The following NELL1 variants were observed in gnomAD, a reference collection of about 807,000 sequenced individuals.
The protein encoded by NELL1 is protein kinase C-binding protein NELL1.
NELL1 carries 76 observed loss-of-function variants against 107.4 expected under a neutral mutation model. The observed-to-expected ratio is 0.71, with a 90% CI of 0.59 to 0.86. The LOEUF (loss-of-function observed/expected upper bound fraction) is 0.86, where lower values mean the gene tolerates loss of function less well. NELL1 is among the 40% of genes least tolerant of loss of function. NELL1 has a pLI of 0.00. For missense variants in NELL1, 1,024 were observed against 1,005.5 expected, an observed-to-expected ratio of 1.02 and a Z score of -0.25; for synonymous variants, 353 against 341.2, an observed-to-expected ratio of 1.03 and a Z score of -0.38.
At chr11:21,276,060 G>T (rs1278164628) in intron 14 of NELL1, among the ~76,000 whole-genome samples, 1 of 152,160 alleles carries the variant, frequency 6.6e-6, no homozygotes, top group Non-Finnish European at 1.5e-5. Context: ...GGGCAATCAG[G>T]CAGGAGAAGG....
At chr11:21,495,798 G>C (rs1854962231) in intron 15 of NELL1, among the ~76,000 whole-genome samples, 1 of 151,842 alleles carries the variant, frequency 6.6e-6, no homozygotes, top group Non-Finnish European at 1.5e-5. Context: ...TTGGCCATTT[G>C]TACATCTTCT....
chr11:20,749,253 G>A (rs959200333), intron 2 of NELL1, among the ~76,000 whole-genome samples: 2 of 152,128 alleles, frequency 1.3e-5, no homozygotes, highest in East Asian at 1.9e-4. Context: ...TTACTAGCAC[G>A]TTTTGTAAAA....
intron 5 of NELL1, among the ~76,000 whole-genome samples, chr11:20,904,813 A>G (rs1432279138): frequency 1.3e-5 from 2 of 151,404 alleles, no homozygotes; most frequent in Non-Finnish European, 2.9e-5. Flanking sequence ...TTTTTTTTTA[A>G]GTTTTTTTTT....
intron 12 of NELL1, among the ~76,000 whole-genome samples, chr11:20,995,005 C>T (rs1311899001): frequency 6.6e-6 from 1 of 152,196 alleles, no homozygotes; most frequent in Non-Finnish European, 1.5e-5. Context: ...CAAGTGGCAA[C>T]AGGAGAGATA....
At chr11:21,323,107 T>C (rs1296949184) in intron 14 of NELL1, among the ~76,000 whole-genome samples, 8 of 152,214 alleles carry the variant, frequency 5.3e-5, no homozygotes, top group Non-Finnish European at 1.0e-4. Context: ...TATTCGTCTG[T>C]ACAAAACAAT....
intron 13 of NELL1, among the ~76,000 whole-genome samples, chr11:21,197,929 T>C (rs1200411321): frequency 1.3e-5 from 2 of 152,166 alleles, no homozygotes; most frequent in African/African-American, 4.8e-5. Context: ...CTCAAACTTA[T>C]TGGTATCAAA....
intron 5 of NELL1, among the ~76,000 whole-genome samples, chr11:20,913,733 G>T (rs894038505): frequency 6.6e-6 from 1 of 151,366 alleles, no homozygotes; most frequent in African/African-American, 2.4e-5. Context: ...TTAATTTTGG[G>T]CTCTGCACCT....
chr11:21,523,883 ATGTG>A (rs143630794), intron 15 of NELL1, among the ~76,000 whole-genome samples: 1 of 151,432 alleles, frequency 6.6e-6, no homozygotes. Flanking sequence ...CTTTTTTCAT[ATGTG>A]TGTGTGTGTA....
chr11:20,887,114 A>G (rs573876040), intron 5 of NELL1, among the ~76,000 whole-genome samples: 1 of 152,124 alleles, frequency 6.6e-6, no homozygotes, highest in African/African-American at 2.4e-5. Context: ...GTGTGTGTGT[A>G]TTTACATAAG....
At chr11:20,678,959 G>C (rs1422272085) in intron 2 of NELL1, among the ~76,000 whole-genome samples, 1 of 152,162 alleles carries the variant, frequency 6.6e-6, no homozygotes, top group African/African-American at 2.4e-5. Flanking sequence ...GGAAGGGATG[G>C]GGTCTCACAG....
At chr11:21,475,216 A>G (rs879212708) in intron 15 of NELL1, among the ~76,000 whole-genome samples, 1 of 152,246 alleles carries the variant, frequency 6.6e-6, no homozygotes, top group East Asian at 1.9e-4. Flanking sequence ...TATTTTATCT[A>G]TGCTTTTTTT....
intron 17 of NELL1, among the ~76,000 whole-genome samples, chr11:21,564,717 G>A (rs1186968020): frequency 6.6e-6 from 1 of 151,874 alleles, no homozygotes; most frequent in Non-Finnish European, 1.5e-5. Context: ...GATGAGTAGG[G>A]AAAGGGATAC....
chr11:21,245,659 T>A (rs765665428), intron 14 of NELL1, among the ~76,000 whole-genome samples: 16 of 152,202 alleles, frequency 1.1e-4, no homozygotes, highest in Non-Finnish European at 2.1e-4. Flanking sequence ...GGACAATGTA[T>A]CCTTGTCATC....
chr11:20,922,347 G>A (rs910241068), intron 7 of NELL1, among the ~76,000 whole-genome samples: 1 of 151,882 alleles, frequency 6.6e-6, no homozygotes, highest in Non-Finnish European at 1.5e-5. Context: ...TATTAGCTCT[G>A]TGACAATTTT....
At chr11:21,016,900 T>C (rs1031726929) in intron 12 of NELL1, among the ~76,000 whole-genome samples, 2 of 152,062 alleles carry the variant, frequency 1.3e-5, no homozygotes, top group Non-Finnish European at 2.9e-5. Flanking sequence ...GACTGCAAAG[T>C]CCAAAATCCT....
intron 15 of NELL1, among the ~76,000 whole-genome samples, chr11:21,475,417 A>G (rs1312592750): frequency 2.6e-5 from 4 of 152,200 alleles, no homozygotes; most frequent in Non-Finnish European, 5.9e-5. Flanking sequence ...AGGATTAAAC[A>G]GCCACATTCC....
chr11:20,999,860 C>A (rs1312356908), intron 12 of NELL1, among the ~76,000 whole-genome samples: 1 of 152,044 alleles, frequency 6.6e-6, no homozygotes, highest in Non-Finnish European at 1.5e-5. Flanking sequence ...TTGTTGTTTT[C>A]TTCATTATGG....
At chr11:21,400,992 G>A (rs561811709) in intron 15 of NELL1, among the ~76,000 whole-genome samples, 9 of 152,020 alleles carry the variant, frequency 5.9e-5, no homozygotes, top group African/African-American at 2.2e-4. Flanking sequence ...AGTGATGGCA[G>A]CAAAGACAAA....
chr11:20,767,488 A>G (rs1329382411), intron 2 of NELL1, among the ~76,000 whole-genome samples: 1 of 152,178 alleles, frequency 6.6e-6, no homozygotes, highest in Non-Finnish European at 1.5e-5. Context: ...GTGCATTTAC[A>G]ATACTTTAGC....
Sources: allele counts gnomAD v4.1 joint callset (sites outside exome capture counted in the v4.1 genomes callset), GRCh38; gene constraint gnomAD v4.1.1; transcripts MANE v1.5; gene names NCBI Gene and HGNC (gene_info 2026-07-23, HGNC 2026-07-21).